Variants in CHL1 observed in about 807,000 individuals in gnomAD.
CHL1 encodes the protein neural cell adhesion molecule L1-like protein.
CHL1 carries 96 observed loss-of-function variants against 141.9 expected under a neutral mutation model. The observed-to-expected ratio is 0.68, with a 90% CI of 0.57 to 0.80. The LOEUF (loss-of-function observed/expected upper bound fraction) is 0.80. Ranked by LOEUF, CHL1 falls within the 30% of genes least tolerant of loss-of-function variation. CHL1 has a pLI of 0.00. For synonymous variants in CHL1, 613 were observed against 502.2 expected, an observed-to-expected ratio of 1.22 and a Z score of -2.95; for missense variants, 1,820 against 1,457.2, an observed-to-expected ratio of 1.25 and a Z score of -4.05.
chr3:375,192 T>C (rs115598749), intron 15 of CHL1, among the ~76,000 whole-genome samples: 4 of 152,178 alleles, frequency 2.6e-5, no homozygotes, highest in Non-Finnish European at 5.9e-5. Flanking sequence ...CCATACACTA[T>C]GGTTATGAAA....
intron 19 of CHL1, 61 bp from the exon 20 acceptor site, chr3:389,191 C>T (rs1708025884): frequency 7.3e-7 from 1 of 1,361,132 alleles, no homozygotes; most frequent in Non-Finnish European, 1.0e-6. Flanking sequence ...GGGTGGTTCA[C>T]CATCATCTCT....
intron 10 of CHL1, among the ~76,000 whole-genome samples, chr3:352,965 A>G (rs1703390749): frequency 6.6e-6 from 1 of 152,162 alleles, no homozygotes; most frequent in Non-Finnish European, 1.5e-5. Context: ...GCTCATCCAT[A>G]GTTGCTGTGT....
intron 1 of CHL1, among the ~76,000 whole-genome samples, chr3:224,727 A>G (rs1262309010): frequency 1.3e-5 from 2 of 152,236 alleles, no homozygotes; most frequent in Non-Finnish European, 2.9e-5. Context: ...GTATTTCTTT[A>G]TAGCAATGCA....
At chr3:250,028 G>A (rs1350718723) in intron 2 of CHL1, among the ~76,000 whole-genome samples, 3 of 151,816 alleles carry the variant, frequency 2.0e-5, no homozygotes, top group Non-Finnish European at 2.9e-5. Flanking sequence ...ATGTAGTGGT[G>A]CAATCATAGC....
chr3:304,888 A>G (rs1398869052), intron 2 of CHL1, among the ~76,000 whole-genome samples: 3 of 151,960 alleles, frequency 2.0e-5, no homozygotes, highest in South Asian at 4.2e-4. Flanking sequence ...AGTGCTATAA[A>G]TTTCCCTCTA....
chr3:375,942 G>A (rs1227949340), intron 15 of CHL1, among the ~76,000 whole-genome samples: 1 of 152,192 alleles, frequency 6.6e-6, no homozygotes, highest in East Asian at 1.9e-4. Flanking sequence ...AATGGCTGCT[G>A]ACATGGATTA....
intron 14 of CHL1, among the ~76,000 whole-genome samples, chr3:365,300 A>T (rs1376727381): frequency 6.6e-6 from 1 of 152,232 alleles, no homozygotes; most frequent in Non-Finnish European, 1.5e-5. Context: ...CCAATCTTTG[A>T]GTTTCATAAT....
rs116071887 is a variant in CHL1 at position 264,731 on chromosome 3, C to G, written c.-95+20039C>G. 6.2e-3 allele frequency among the ~76,000 whole-genome samples: 950 copies of G among 152,320 alleles called. 11 individuals carry two copies. Among genetic ancestry groups the G allele is most frequent in the African/African-American group, 0.022 (918 of 41,572 alleles). On this transcript the variant is annotated intron_variant, in intron 2 of 27. Transcript: ENST00000256509. ...AAGGACATCTGACTAATAAAATAGTCTTAGAGTTGTAGGAGAAATGTGTCA... is the reference window on the plus strand; with the variant it reads ...AAGGACATCTGACTAATAAAATAGTGTTAGAGTTGTAGGAGAAATGTGTCA...
chr3:372,062 G>A (rs574500267), intron 15 of CHL1, among the ~76,000 whole-genome samples: 2 of 152,074 alleles, frequency 1.3e-5, no homozygotes, highest in African/African-American at 4.8e-5. Flanking sequence ...TTCAGCCTTA[G>A]AGAATCTGAT....
At chr3:324,882 G>T (rs1700888621) in intron 3 of CHL1, among the ~76,000 whole-genome samples, 1 of 151,912 alleles carries the variant, frequency 6.6e-6, no homozygotes, top group Non-Finnish European at 1.5e-5. Flanking sequence ...GAGGCACCAA[G>T]TGTGGCCCAC....
At chr3:311,792 T>C (rs1029079594) in intron 2 of CHL1, among the ~76,000 whole-genome samples, 5 of 152,196 alleles carry the variant, frequency 3.3e-5, no homozygotes, top group African/African-American at 9.6e-5. Context: ...TTGTGCATTT[T>C]AGTACATCTG....
intron 5 of CHL1, among the ~76,000 whole-genome samples, chr3:335,347 C>A (rs952506118): frequency 1.1e-4 from 16 of 152,192 alleles, no homozygotes; most frequent in African/African-American, 3.6e-4. Flanking sequence ...AACTGGGTGT[C>A]CTTCCTTAGC....
intron 1 of CHL1, among the ~76,000 whole-genome samples, chr3:216,146 G>T (rs534017679): frequency 1.3e-5 from 2 of 151,978 alleles, no homozygotes; most frequent in Non-Finnish European, 2.9e-5. Context: ...TATTTAAAAG[G>T]GATAAAACTA....
intron 15 of CHL1, among the ~76,000 whole-genome samples, chr3:374,676 T>C (rs1034175277): frequency 1.3e-5 from 2 of 152,280 alleles, no homozygotes; most frequent in African/African-American, 4.8e-5. Flanking sequence ...GACAATAACC[T>C]TAGCTCAGAA....
intron 20 of CHL1, 70 bp from the exon 21 acceptor site, chr3:390,631 T>G (rs977626993): frequency 1.3e-5 from 12 of 898,758 alleles, no homozygotes; most frequent in Non-Finnish European, 2.0e-5. Context: ...ATTATGAAAA[T>G]TTTTGAAAAG....
At chr3:367,003 C>G (rs957246086) in intron 15 of CHL1, among the ~76,000 whole-genome samples, 1 of 152,146 alleles carries the variant, frequency 6.6e-6, no homozygotes, top group East Asian at 1.9e-4. Context: ...CCAGAGAGTA[C>G]TGAGAAGTAC....
rs899936046 is a variant in CHL1 at position 409,309 on chromosome 3, G to A, written c.*3598G>A. The A allele has an allele frequency of 8.5e-5, 13 of 152,164 alleles. No homozygotes were observed. Among genetic ancestry groups the A allele is most frequent in the Non-Finnish European group, 1.8e-4 (12 of 67,956 alleles). 9.4% of individuals were successfully genotyped at this position (152,164 alleles called of 1,614,324 possible). On this transcript the variant is annotated 3_prime_UTR_variant, in exon 28 of 28. Coordinates refer to ENST00000256509, the MANE Select transcript of CHL1 (RefSeq NM_006614.4). ...GAACTTTATAAAACGTGTTTGTATTGTAGGTGGTGTTTGTATTATGCTTAT... is the reference window on the plus strand; with the variant it reads ...GAACTTTATAAAACGTGTTTGTATTATAGGTGGTGTTTGTATTATGCTTAT...
At chr3:198,372 C>CCGTGCGCGGGGAGATTTGCG (rs1384268890) in intron 1 of CHL1, among the ~76,000 whole-genome samples, 6 of 151,808 alleles carry the variant, frequency 4.0e-5, no homozygotes, top group Non-Finnish European at 5.9e-5. Context: ...CGGGAACGCG[C>CCGTGCGCGGGGAGATTTGCG]CGTGCGCGGG....
rs567501558 is a variant in CHL1, at chr3:239,039, T to G, written c.-174-5574T>G. On this transcript the variant is annotated intron_variant, in intron 1 of 27. Transcript: ENST00000256509. ...CTTATATAGCAGCTGTCAAGGTTCA[T>G]ATGCTACCACGTGGGGTACTGTGTG... 2.0e-5 allele frequency among the ~76,000 whole-genome samples: 3 copies of G among 152,194 alleles called. No homozygotes were observed. The East Asian group carries it at 5.8e-4, about 29-fold the overall frequency.
Sources: allele counts gnomAD v4.1 joint callset (sites outside exome capture counted in the v4.1 genomes callset), GRCh38; gene constraint gnomAD v4.1.1; transcripts MANE v1.5; gene names NCBI Gene and HGNC (gene_info 2026-07-23, HGNC 2026-07-21).